The following ARHGAP39 variants were observed in gnomAD, a reference collection of about 807,000 sequenced individuals.
ARHGAP39 encodes the protein Rho GTPase activating protein 39, also known as rho GTPase-activating protein 39.
ARHGAP39 carries 44 observed loss-of-function variants against 106.9 expected under a neutral mutation model. The observed-to-expected ratio is 0.41, with a 90% CI of 0.32 to 0.53. ARHGAP39 has a LOEUF of 0.53. Among genes scored for constraint, ARHGAP39 ranks in the 20% least tolerant of loss-of-function variants. The pLI is 0.21. For synonymous variants in ARHGAP39, 768 were observed against 693.2 expected (o/e 1.11, Z -1.69); for missense variants, 1,496 against 1,577.3 (o/e 0.95, Z 0.87).
At chr8:144,600,433 C>T (rs373529496) in intron 2 of ARHGAP39, among the ~76,000 whole-genome samples, 14 of 131,706 alleles carry the variant, frequency 1.1e-4, no homozygotes, top group East Asian at 2.5e-4. Flanking sequence ...TGTGCGTGTT[C>T]GTGGAGGCGT....
At chr8:144,554,801 C>T (rs1387656539) in intron 4 of ARHGAP39, among the ~76,000 whole-genome samples, 2 of 152,214 alleles carry the variant, frequency 1.3e-5, no homozygotes, top group Non-Finnish European at 2.9e-5. Flanking sequence ...CCCTAATGTT[C>T]AACAAATACG....
intron 1 of ARHGAP39, among the ~76,000 whole-genome samples, chr8:144,653,787 G>A (rs901496130): frequency 6.6e-6 from 1 of 152,152 alleles, no homozygotes; most frequent in Non-Finnish European, 1.5e-5. Context: ...TCCTCCTGTT[G>A]GAATAACTAG....
Position 144,534,184 on chromosome 8 carries a change from T to C in ARHGAP39, c.2633A>G (p.Tyr878Cys). ...EEPDGVAISTYAKYCYHKLQK... is the reference protein window; with the variant it reads ...EEPDGVAISTCAKYCYHKLQK... The stretch of plus-strand genomic sequence containing the variant: ...TAGCTTGTGGTAACAGTACTTGGCA[T>C]ACGTGCTTATCGCCACCCCTGGAAA... Residue 878 changes from tyrosine (Y) to cysteine (C), a missense_variant, in exon 8 of 12, where the codon TAT becomes TGT. This residue lies in a region of ARHGAP39 where 470 missense variants were observed against 605.1 expected (regional missense o/e 0.78). Coordinates refer to ENST00000377307, the MANE Select transcript of ARHGAP39 (RefSeq NM_025251.3). The C allele has an allele frequency of 6.2e-7, 1 of 1,613,332 alleles. No individual in the cohort carries two copies. Among genetic ancestry groups the C allele is most frequent in the Non-Finnish European group, 8.5e-7 (1 of 1,179,764 alleles).
chr8:144,650,541 A>G (rs1264748009), intron 1 of ARHGAP39, among the ~76,000 whole-genome samples: 1 of 152,208 alleles, frequency 6.6e-6, no homozygotes. Flanking sequence ...GCAGCACATC[A>G]GAAAACTAAT....
chr8:144,540,487 T>C (rs1817144672), intron 6 of ARHGAP39, among the ~76,000 whole-genome samples: 1 of 152,238 alleles, frequency 6.6e-6, no homozygotes, highest in African/African-American at 2.4e-5. Flanking sequence ...TATCAGCTTC[T>C]AATAATTTGT....
intron 3 of ARHGAP39, among the ~76,000 whole-genome samples, chr8:144,560,072 G>A (rs371505668): frequency 2.6e-5 from 4 of 152,192 alleles, no homozygotes; most frequent in Non-Finnish European, 5.9e-5. Flanking sequence ...TATCTTCTAT[G>A]ACTAATGTAC....
chr8:144,575,149 G>A (rs115238702), intron 3 of ARHGAP39, among the ~76,000 whole-genome samples: 2,864 of 152,238 alleles, frequency 0.019, 82 homozygotes, highest in African/African-American at 0.065. Flanking sequence ...CACCTGTACT[G>A]GGCACTTACC....
rs1352176862 is a variant in ARHGAP39 at position 144,555,601 on chromosome 8, A to G, written c.555T>C (p.Ile185=). 1.2e-6 allele frequency: 2 copies of G among 1,613,916 alleles called. No homozygotes were observed. The highest frequency in any genetic ancestry group is 1.7e-5 in the Admixed American group (1 of 60,010). ...GGCCGTCCGCACTGTAATCCCGGTA[A>G]ATCTCATAGTCCTTCTCAAGGAACA... ...PGVFLEKDYE[I]YRDYSADGQL... The change falls in exon 4 of 12, where the codon ATT becomes ATC. Residue 185 remains isoleucine (I), a synonymous_variant. Coordinates refer to ENST00000377307, the MANE Select transcript of ARHGAP39 (RefSeq NM_025251.3).
At chr8:144,649,406 C>T (rs771703289) in intron 1 of ARHGAP39, among the ~76,000 whole-genome samples, 5 of 151,858 alleles carry the variant, frequency 3.3e-5, no homozygotes, top group Non-Finnish European at 5.9e-5. Context: ...GCTGAGATCG[C>T]GCCACTGCAC....
At chr8:144,620,603 G>A (rs1251286207) in intron 1 of ARHGAP39, among the ~76,000 whole-genome samples, 1 of 152,232 alleles carries the variant, frequency 6.6e-6, no homozygotes, top group Non-Finnish European at 1.5e-5. Context: ...GTGCGTGTGA[G>A]TACGTGTGTG....
In ARHGAP39 at chr8:144,591,099, T is replaced by C. The variant is rs1319159882; in HGVS notation, c.81-9822A>G. On this transcript the variant is annotated intron_variant, in intron 2 of 11. Coordinates refer to ENST00000377307, the MANE Select transcript of ARHGAP39 (RefSeq NM_025251.3). This position sits in a 1 kb window ranked among gnomAD's most constrained non-coding sequence, Gnocchi z 5.3. Reference sequence around the variant, plus strand: ...CCTGGCCGGTCTCTGTCACCTTTGCTTCCATGACCTCCTGGAGCCGGGTGG... The same window carrying C: ...CCTGGCCGGTCTCTGTCACCTTTGCCTCCATGACCTCCTGGAGCCGGGTGG... Among the ~76,000 whole-genome samples the C allele has an allele frequency of 6.6e-6, 1 of 152,182 alleles. No homozygotes were observed. Among genetic ancestry groups the C allele is most frequent in the Admixed American group, 6.5e-5 (1 of 15,286 alleles).
At position 144,679,788 on chromosome 8, in the gene ARHGAP39, G is replaced by A. The variant is rs1032121357; in HGVS notation, c.-82+5898C>T. ...GAGGTCAGGAGATCGAGACCATCCT[G>A]GCTAACACAGTGAAACCCCGTGTCT... On this transcript the variant is annotated intron_variant, in intron 1 of 11. Transcript: ENST00000377307. The surrounding 1 kb of genome is among the most constrained non-coding windows in gnomAD (Gnocchi z 4.7). Among the ~76,000 whole-genome samples the A allele has an allele frequency of 2.4e-4, 36 of 152,184 alleles. No individual in the cohort carries two copies. Among genetic ancestry groups the A allele is most frequent in the Non-Finnish European group, 1.0e-4 (7 of 68,042 alleles).
chr8:144,684,571 CA>C lies in ARHGAP39; in HGVS notation c.-82+1114del, dbSNP rs1822527807. ...TTCCGAAGCTGCGCAGCGCCCACAGCAGCTGCTGGTGGGAAGCGGCTCGGAA... is the reference window on the plus strand; with the variant it reads ...TTCCGAAGCTGCGCAGCGCCCACAGCGCTGCTGGTGGGAAGCGGCTCGGAA... On this transcript the variant is annotated intron_variant, in intron 1 of 11. Coordinates refer to ENST00000377307, the MANE Select transcript of ARHGAP39 (RefSeq NM_025251.3). This position sits in a 1 kb window ranked among gnomAD's most constrained non-coding sequence, Gnocchi z 4.4. Among the ~76,000 whole-genome samples the C allele has an allele frequency of 1.3e-5, 2 of 152,214 alleles. No individual in the cohort carries two copies. The highest frequency in any genetic ancestry group is 2.9e-5 in the Non-Finnish European group (2 of 68,032).
intron 3 of ARHGAP39, among the ~76,000 whole-genome samples, chr8:144,562,171 CTTTCCATCACATCCCAGTGG>C (rs1379063985): frequency 1.3e-5 from 2 of 149,040 alleles, no homozygotes; most frequent in African/African-American, 5.0e-5. Context: ...GACCCCAGTG[CTTTCCATCACATCCCAGTGG>C]TTTCCATCGG....
At chr8:144,567,329 T>C (rs1040504535) in intron 3 of ARHGAP39, among the ~76,000 whole-genome samples, 5 of 152,122 alleles carry the variant, frequency 3.3e-5, no homozygotes, top group Admixed American at 6.5e-5. Context: ...AAGACAAGAG[T>C]GCGAGCCTTC....
intron 3 of ARHGAP39, among the ~76,000 whole-genome samples, chr8:144,563,223 G>C (rs1479188313): frequency 1.3e-5 from 2 of 152,206 alleles, no homozygotes; most frequent in Non-Finnish European, 2.9e-5. Flanking sequence ...TTTTTCATTA[G>C]CAGCTACTTT....
intron 1 of ARHGAP39, among the ~76,000 whole-genome samples, chr8:144,610,276 T>G (rs1024418665): frequency 6.6e-6 from 1 of 152,244 alleles, no homozygotes; most frequent in Non-Finnish European, 1.5e-5. Context: ...GACAGCTTAA[T>G]CGTTTTTTTT....
chr8:144,620,597 G>A (rs1307510278), intron 1 of ARHGAP39, among the ~76,000 whole-genome samples: 4 of 152,222 alleles, frequency 2.6e-5, no homozygotes, highest in Admixed American at 1.3e-4. Flanking sequence ...GCCCACGTGC[G>A]TGTGAGTACG....
At chr8:144,540,758 C>G (rs1055404298) in intron 6 of ARHGAP39, among the ~76,000 whole-genome samples, 4 of 152,134 alleles carry the variant, frequency 2.6e-5, no homozygotes, top group African/African-American at 9.7e-5. Flanking sequence ...AGTGACGTCA[C>G]CACTGCACTT....
Sources: gnomAD v4.1 joint callset for allele counts (sites outside exome capture counted in the v4.1 genomes callset) on GRCh38, gnomAD v4.1.1 for gene constraint, gnomAD v4.1.1 regional missense constraint, Gnocchi (gnomAD v3.1) non-coding constraint, MANE v1.5 for transcripts, NCBI Gene and HGNC (gene_info 2026-07-23, HGNC 2026-07-21) for gene names.